Variants in N4BP2L2 observed in about 807,000 individuals in gnomAD.
N4BP2L2 encodes NEDD4 binding protein 2 like 2.
Under a neutral mutation model 56.2 loss-of-function variants are expected in N4BP2L2, and 50 were observed. That is an observed-to-expected ratio of 0.89 (90% CI 0.71 to 1.13). N4BP2L2 has a LOEUF of 1.13. N4BP2L2 is among the 50% of genes most tolerant of loss of function. The probability of loss-of-function intolerance (pLI) is 0.00; values close to 1 mark genes in which losing one functional copy is unlikely to be tolerated. For synonymous variants in N4BP2L2, 203 were observed against 223.6 expected, an observed-to-expected ratio of 0.91 and a Z score of 0.82; for missense variants, 689 against 693.8, an observed-to-expected ratio of 0.99 and a Z score of 0.08.
chr13:32,517,824 A>G (rs765909015), exon 6 of N4BP2L2: 1 of 1,613,530 alleles, frequency 6.2e-7, no homozygotes, highest in Non-Finnish European at 8.5e-7. Flanking sequence ...TGTGACACAG[A>G]CACGATTATG....
At chr13:32,518,287 T>C (rs1323103641) in intron 5 of N4BP2L2, among the ~76,000 whole-genome samples, 1 of 152,196 alleles carries the variant, frequency 6.6e-6, no homozygotes, top group African/African-American at 2.4e-5. Flanking sequence ...TATCCCCTTG[T>C]TAATAACAAA....
chr13:32,492,914 C>CTGTTT (rs1555263064), intron 6 of N4BP2L2, among the ~76,000 whole-genome samples: 15 of 96,788 alleles, frequency 1.5e-4, no homozygotes, highest in African/African-American at 5.9e-4. Context: ...TGTAGCTTTT[C>CTGTTT]TGTTTTTTTT....
intron 3 of N4BP2L2, among the ~76,000 whole-genome samples, chr13:32,526,029 CAA>C (rs1274880215): frequency 5.3e-5 from 2 of 37,410 alleles, no homozygotes; most frequent in Non-Finnish European, 8.1e-5. Flanking sequence ...ATCTGCTTGC[CAA>C]AAAAAAAAAA....
chr13:32,513,574 C>A (rs1341395664), exon 6 of N4BP2L2: 1 of 152,084 alleles, frequency 6.6e-6, no homozygotes, highest in Non-Finnish European at 1.5e-5. Context: ...CAGCTGGTAA[C>A]TTTAATAGGA....
intron 6 of N4BP2L2, among the ~76,000 whole-genome samples, chr13:32,479,032 G>T (rs1160392362): frequency 1.3e-5 from 2 of 151,842 alleles, no homozygotes; most frequent in African/African-American, 4.8e-5. Flanking sequence ...CTACTCAGGA[G>T]GCTGAGGCAG....
chr13:32,527,361 A>T (rs770505559), intron 3 of N4BP2L2, 47 bp downstream of exon 3: 1 of 1,590,972 alleles, frequency 6.3e-7, no homozygotes, highest in South Asian at 1.1e-5. Context: ...AGGTCTTTTG[A>T]CTCCTAGCCA....
chr13:32,457,465 G>A (rs2079162169), intron 6 of N4BP2L2, among the ~76,000 whole-genome samples: 2 of 152,068 alleles, frequency 1.3e-5, no homozygotes, highest in Non-Finnish European at 2.9e-5. Context: ...AGACAATTCT[G>A]AAAATGGCAA....
rs912673215 is a variant in N4BP2L2 at position 32,462,664 on chromosome 13, C to T, written c.366-18538G>A. On this transcript the variant is annotated intron_variant, in intron 6 of 9. Coordinates refer to the N4BP2L2 transcript ENST00000357505. Reference sequence around the variant, plus strand: ...ATAAATACTTAAGGTGATGGATACCCTAAATACCCTGACTGATTATTAGAC... The same window carrying T: ...ATAAATACTTAAGGTGATGGATACCTTAAATACCCTGACTGATTATTAGAC... 2.0e-5 allele frequency among the ~76,000 whole-genome samples: 3 copies of T among 151,994 alleles called. No individual in the cohort carries two copies. The South Asian group carries it at 6.3e-4, about 32-fold the overall frequency.
chr13:32,497,113 T>C (rs945855063), intron 6 of N4BP2L2, among the ~76,000 whole-genome samples: 1 of 152,228 alleles, frequency 6.6e-6, no homozygotes, highest in East Asian at 1.9e-4. Context: ...ACACTCTTGG[T>C]AACCTGCCAT....
chr13:32,527,810 C>T (rs2053511272), intron 2 of N4BP2L2, among the ~76,000 whole-genome samples: 1 of 146,308 alleles, frequency 6.8e-6, no homozygotes, highest in South Asian at 2.1e-4. Flanking sequence ...TGGTCTCTGT[C>T]GCCCAGGCTG....
At chr13:32,494,439 T>C (rs1327956975) in intron 6 of N4BP2L2, among the ~76,000 whole-genome samples, 1 of 152,010 alleles carries the variant, frequency 6.6e-6, no homozygotes, top group Admixed American at 6.6e-5. Flanking sequence ...TATCCATAAA[T>C]AGCACCTCAT....
At chr13:32,476,948 T>C (rs982065135) in intron 6 of N4BP2L2, among the ~76,000 whole-genome samples, 1 of 152,184 alleles carries the variant, frequency 6.6e-6, no homozygotes, top group Non-Finnish European at 1.5e-5. Context: ...TTGCTGTTAC[T>C]ACTACTGATA....
At chr13:32,478,356 C>T (rs951634736) in intron 6 of N4BP2L2, 1 of 240,098 alleles carries the variant, frequency 4.2e-6, no homozygotes, top group African/African-American at 2.2e-5. Context: ...CAATTTCTTA[C>T]CCTGTTATCT....
intron 7 of N4BP2L2, among the ~76,000 whole-genome samples, chr13:32,440,664 T>C (rs1438995484): frequency 6.6e-6 from 1 of 152,080 alleles, no homozygotes; most frequent in East Asian, 1.9e-4. Context: ...GGTTTCACCA[T>C]GTTGGCCAGG....
chr13:32,450,699 C>G (rs2077830304), intron 6 of N4BP2L2, among the ~76,000 whole-genome samples: 1 of 135,924 alleles, frequency 7.4e-6, no homozygotes, highest in Non-Finnish European at 1.5e-5. Flanking sequence ...GATGTGATCA[C>G]AGCTCACTGC....
At chr13:32,531,539 G>A (rs1308873782) in intron 2 of N4BP2L2, among the ~76,000 whole-genome samples, 1 of 152,130 alleles carries the variant, frequency 6.6e-6, no homozygotes, top group Non-Finnish European at 1.5e-5. Flanking sequence ...CTTATCTACT[G>A]AGTGCCTTTA....
At chr13:32,449,577 A>G (rs1213226486) in intron 6 of N4BP2L2, among the ~76,000 whole-genome samples, 3 of 152,246 alleles carry the variant, frequency 2.0e-5, no homozygotes, top group Admixed American at 1.3e-4. Context: ...TCATTTCATA[A>G]TAATTCTTTA....
At chr13:32,444,424 T>C (rs2076735928) in intron 6 of N4BP2L2, among the ~76,000 whole-genome samples, 1 of 152,080 alleles carries the variant, frequency 6.6e-6, no homozygotes, top group Non-Finnish European at 1.5e-5. Context: ...ACCACCACGC[T>C]TGTCTAATTT....
rs1279501945 is a variant in N4BP2L2 at position 32,518,529 on chromosome 13, C to CAT, written c.1551-528_1551-527dup. Among the ~76,000 whole-genome samples the CAT allele has an allele frequency of 5.3e-5, 8 of 151,950 alleles. No homozygotes were observed. The South Asian group carries it at 8.3e-4, about 16-fold the overall frequency. On this transcript the variant is annotated intron_variant, in intron 5 of 5. Coordinates refer to ENST00000267068, the Ensembl canonical transcript of N4BP2L2. The stretch of plus-strand genomic sequence containing the variant: ...ACAATGTATATAAACTGTAGGATTC[C>CAT]ATATATATATGTATTATACATAATA...
Sources: allele counts gnomAD v4.1 joint callset (sites outside exome capture counted in the v4.1 genomes callset), GRCh38; gene constraint gnomAD v4.1.1; transcripts MANE v1.5; gene names NCBI Gene and HGNC (gene_info 2026-07-23, HGNC 2026-07-21).